The following KIF18A variants were observed in gnomAD, a reference collection of about 807,000 sequenced individuals.
KIF18A encodes the protein kinesin-like protein KIF18A.
Under a neutral mutation model 103.3 loss-of-function variants are expected in KIF18A, and 67 were observed. That is an observed-to-expected ratio of 0.65 (90% CI 0.53 to 0.79). KIF18A has a LOEUF of 0.79. KIF18A is among the 30% of genes least tolerant of loss of function. KIF18A has a pLI of 0.00. For missense variants in KIF18A, 1,032 were observed against 1,062.5 expected, an observed-to-expected ratio of 0.97 and a Z score of 0.40; for synonymous variants, 367 against 355.5, an observed-to-expected ratio of 1.03 and a Z score of -0.36.
At chr11:28,025,411 T>C in intron 15 of KIF18A, among the ~76,000 whole-genome samples, 1 of 152,040 alleles carries the variant, frequency 6.6e-6, no homozygotes. Flanking sequence ...TATTAGTTAC[T>C]TTTGATAAAA....
chr11:28,082,823 T>C, intron 9 of KIF18A, 33 bp downstream of exon 9: 1 of 1,308,594 alleles, frequency 7.6e-7, no homozygotes, highest in Non-Finnish European at 1.1e-6. Context: ...AAACAATAAA[T>C]TCCTCAAAAT....
At chr11:28,047,295 G>A (rs1332452114) in intron 13 of KIF18A, among the ~76,000 whole-genome samples, 1 of 151,980 alleles carries the variant, frequency 6.6e-6, no homozygotes, top group African/African-American at 2.4e-5. Context: ...AAGAAAAAAG[G>A]AATAAACTTA....
intron 1 of KIF18A, among the ~76,000 whole-genome samples, chr11:28,100,569 G>GC (rs1013794723): frequency 2.7e-5 from 4 of 149,670 alleles, no homozygotes; most frequent in South Asian, 4.3e-4. Flanking sequence ...GAAGGGGGGG[G>GC]GTGGTGTCAA....
intron 13 of KIF18A, among the ~76,000 whole-genome samples, chr11:28,053,795 C>A (rs1850742623): frequency 6.6e-6 from 1 of 151,840 alleles, no homozygotes; most frequent in Non-Finnish European, 1.5e-5. Flanking sequence ...TAGACATGAG[C>A]TGATAAGTTT....
intron 9 of KIF18A, among the ~76,000 whole-genome samples, chr11:28,082,244 AAAG>A (rs1851174488): frequency 6.6e-6 from 1 of 152,170 alleles, no homozygotes; most frequent in Non-Finnish European, 1.5e-5. Flanking sequence ...TCAAATTTTT[AAAG>A]AAGTTCTACC....
chr11:28,070,415 T>A (rs142149168), intron 10 of KIF18A, among the ~76,000 whole-genome samples: 160 of 152,314 alleles, frequency 1.1e-3, no homozygotes, highest in African/African-American at 3.1e-3. Flanking sequence ...CATGAAGTCA[T>A]AACCAAATCT....
chr11:28,027,607 C>T (rs1850337595), intron 15 of KIF18A, among the ~76,000 whole-genome samples: 1 of 151,856 alleles, frequency 6.6e-6, no homozygotes, highest in Non-Finnish European at 1.5e-5. Flanking sequence ...TTTTATCATA[C>T]TGCACATCAG....
intron 6 of KIF18A, among the ~76,000 whole-genome samples, chr11:28,087,805 T>C (rs993600384): frequency 6.6e-6 from 1 of 152,192 alleles, no homozygotes; most frequent in Non-Finnish European, 1.5e-5. Flanking sequence ...TGGTATCTCA[T>C]TGTGGTTTTG....
At chr11:28,038,207 A>G (rs1222393359) in intron 13 of KIF18A, among the ~76,000 whole-genome samples, 1 of 151,646 alleles carries the variant, frequency 6.6e-6, no homozygotes. Flanking sequence ...AAATTGTTTC[A>G]TTAGAATTTA....
chr11:28,065,725 C>T (rs369123692), intron 11 of KIF18A, among the ~76,000 whole-genome samples: 2 of 151,942 alleles, frequency 1.3e-5, no homozygotes, highest in African/African-American at 4.8e-5. Flanking sequence ...TTTCTACAAT[C>T]GACTTTTTTG....
chr11:28,037,900 A>T (rs1252892963), intron 13 of KIF18A, among the ~76,000 whole-genome samples: 1 of 151,526 alleles, frequency 6.6e-6, no homozygotes, highest in Non-Finnish European at 1.5e-5. Context: ...TTCCCTAAGG[A>T]GCTGTACTTG....
chr11:28,084,749 A>G lies in KIF18A; in HGVS notation c.957T>C (p.Ser319=), dbSNP rs749140262. 6 of 1,612,886 alleles carry G rather than the reference A, an allele frequency of 3.7e-6. No homozygotes were observed. Among genetic ancestry groups the G allele is most frequent in the South Asian group, 2.2e-5 (2 of 91,054 alleles). Residue 319 remains serine, a synonymous_variant, in exon 7 of 17, where the codon TCT becomes TCC. Transcript: ENST00000263181. ...NSKLTRLLKD[S]LGGNCQTIMI... ...TTATAGTTTGACAGTTTCCTCCAAGAGAATCCTTTAACAAGCGAGTAAGCT... is the reference window on the plus strand; with the variant it reads ...TTATAGTTTGACAGTTTCCTCCAAGGGAATCCTTTAACAAGCGAGTAAGCT...
chr11:28,060,830 A>G (rs184979687), intron 12 of KIF18A, among the ~76,000 whole-genome samples: 4 of 152,324 alleles, frequency 2.6e-5, no homozygotes, highest in African/African-American at 7.2e-5. Flanking sequence ...CCAGCTCCCA[A>G]TAAAAACCTG....
At chr11:28,092,466 G>A (rs1308765111) in intron 3 of KIF18A, among the ~76,000 whole-genome samples, 1 of 152,116 alleles carries the variant, frequency 6.6e-6, no homozygotes. Context: ...CTGGAGCCTA[G>A]ACAGCTTCAC....
chr11:28,056,436 AG>A (rs1590682514), intron 13 of KIF18A, among the ~76,000 whole-genome samples: 1 of 152,148 alleles, frequency 6.6e-6, no homozygotes, highest in East Asian at 1.9e-4. Context: ...AAACATTAAA[AG>A]CAAAAGAGTA....
intron 1 of KIF18A, among the ~76,000 whole-genome samples, chr11:28,100,830 T>C (rs1406383755): frequency 1.3e-5 from 2 of 152,108 alleles, no homozygotes; most frequent in Non-Finnish European, 2.9e-5. Flanking sequence ...AATTACTACT[T>C]TGTTTTTCAT....
intron 15 of KIF18A, among the ~76,000 whole-genome samples, chr11:28,034,440 G>A (rs1850454650): frequency 6.6e-6 from 1 of 151,696 alleles, no homozygotes; most frequent in African/African-American, 2.4e-5. Flanking sequence ...TACTCCTAGT[G>A]AAACACCCTT....
At chr11:28,103,471 C>A (rs1221542858) in intron 1 of KIF18A, among the ~76,000 whole-genome samples, 1 of 151,996 alleles carries the variant, frequency 6.6e-6, no homozygotes, top group African/African-American at 2.4e-5. Flanking sequence ...AGGGGCTTTA[C>A]TTGCTAATGT....
At chr11:28,064,180 C>A (rs1389140609) in intron 11 of KIF18A, among the ~76,000 whole-genome samples, 3 of 151,262 alleles carry the variant, frequency 2.0e-5, no homozygotes, top group Non-Finnish European at 4.4e-5. Flanking sequence ...TTATATAATT[C>A]ATTATACTTC....
Sources: allele counts gnomAD v4.1 joint callset (sites outside exome capture counted in the v4.1 genomes callset), GRCh38; gene constraint gnomAD v4.1.1; transcripts MANE v1.5; gene names NCBI Gene and HGNC (gene_info 2026-07-23, HGNC 2026-07-21).